Variants in CFAP100 observed in about 807,000 individuals in gnomAD.
The protein encoded by CFAP100 is cilia and flagella associated protein 100, also known as cilia- and flagella-associated protein 100.
A neutral mutation model predicts 81.5 loss-of-function variants in CFAP100; 70 were observed. The ratio of observed to expected loss-of-function variants is 0.86; its 90% CI spans 0.71 to 1.05. CFAP100 has a LOEUF of 1.05. CFAP100 is among the 50% of genes least tolerant of loss of function. The pLI, the probability that CFAP100 is intolerant of heterozygous loss-of-function variation, is 0.00. For synonymous variants in CFAP100, 341 were observed against 314.8 expected, an observed-to-expected ratio of 1.08 and a Z score of -0.88; for missense variants, 811 against 776.5, an observed-to-expected ratio of 1.04 and a Z score of -0.53.
intron 5 of CFAP100, chr3:126,416,834 C>CCTAA (rs2083252048): frequency 4.2e-6 from 1 of 239,078 alleles, no homozygotes; most frequent in Non-Finnish European, 7.9e-6. Context: ...AGACCCTTTG[C>CCTAA]CTAACTTTTA....
At chr3:126,416,571 G>A in intron 5 of CFAP100, 63 bp downstream of exon 5, 3 of 1,378,310 alleles carry the variant, frequency 2.2e-6, no homozygotes, top group Non-Finnish European at 2.9e-6. Context: ...AGCTCAGGGG[G>A]CGCGCCTGGA....
intron 10 of CFAP100, 25 bp downstream of exon 10, chr3:126,420,046 G>A: frequency 1.9e-6 from 3 of 1,613,100 alleles, no homozygotes; most frequent in South Asian, 1.1e-5. Context: ...CCAGCCTGAG[G>A]AGGAGCCTGG....
At position 126,418,661 on chromosome 3, in the gene CFAP100, G is replaced by C. The variant is rs534051821; in HGVS notation, c.537G>C (p.Ala179=). The change falls in exon 7 of 17, where the codon GCG becomes GCC. Residue 179 remains alanine, a synonymous_variant. Transcript: ENST00000352312. The part of the protein sequence containing the change: ...RREIQRLETL[A]TKEEARLERA... Reference sequence around the variant, plus strand: ...AGATCCAGCGGCTGGAGACGCTGGCGACCAAAGAGGAGGCCAGGCTGGAGC... The same window carrying C: ...AGATCCAGCGGCTGGAGACGCTGGCCACCAAAGAGGAGGCCAGGCTGGAGC... The C allele has an allele frequency of 2.5e-5, 40 of 1,583,236 alleles. No homozygotes were observed. The East Asian group carries it at 8.1e-4, about 32-fold the overall frequency.
At chr3:126,431,571 A>ATT (rs748610267) in intron 13 of CFAP100, among the ~76,000 whole-genome samples, 3 of 152,172 alleles carry the variant, frequency 2.0e-5, no homozygotes, top group Non-Finnish European at 4.4e-5. Flanking sequence ...TGGAGCTCTG[A>ATT]CAAAGACATT....
At chr3:126,433,253 T>C in intron 14 of CFAP100, 49 bp downstream of exon 14, 4 of 1,603,954 alleles carry the variant, frequency 2.5e-6, no homozygotes, top group Non-Finnish European at 3.4e-6. Context: ...GGAGGGACCC[T>C]TGGGCACCCA....
At position 126,401,462 on chromosome 3, in the gene CFAP100, C is replaced by A. The variant is rs562833427; in HGVS notation, c.49+5413C>A. ...ATATATAGTATTATGTTACTGCAAT[C>A]AAAAAATGTGTTCTTAAAATGTGTT... On this transcript the variant is annotated intron_variant, in intron 2 of 16. Transcript: ENST00000352312. 9.8e-4 allele frequency among the ~76,000 whole-genome samples: 119 copies of A among 121,718 alleles called. 1 individual carries two copies. The highest frequency in any genetic ancestry group is 3.6e-3 in the African/African-American group (115 of 32,184). 79.9% of individuals were successfully genotyped at this position (121,718 alleles called of 152,430 possible).
chr3:126,397,348 C>A lies in CFAP100; in HGVS notation c.49+1299C>A, dbSNP rs114821111. On this transcript the variant is annotated intron_variant, in intron 2 of 16. Coordinates refer to ENST00000352312, the MANE Select transcript of CFAP100 (RefSeq NM_182628.3). ...TTAGGTGTGCACACGCTCTCTCGTT[C>A]TTTTTTTGCTCCAGAGTAAATTTTA... 1.0e-3 allele frequency among the ~76,000 whole-genome samples: 157 copies of A among 152,250 alleles called. 1 individual carries two copies. Among genetic ancestry groups the A allele is most frequent in the African/African-American group, 3.1e-3 (127 of 41,542 alleles).
At chr3:126,400,654 A>G (rs759554366) in intron 2 of CFAP100, among the ~76,000 whole-genome samples, 48 of 152,210 alleles carry the variant, frequency 3.2e-4, no homozygotes, top group Admixed American at 1.5e-3. Flanking sequence ...CCGGAGGCTG[A>G]GGCAGGAGAA....
At chr3:126,402,300 G>A (rs936977361) in intron 2 of CFAP100, among the ~76,000 whole-genome samples, 1 of 152,206 alleles carries the variant, frequency 6.6e-6, no homozygotes, top group Non-Finnish European at 1.5e-5. Flanking sequence ...GGAGATGACT[G>A]TCACTGGAGA....
chr3:126,431,024 G>C (rs1282172050), intron 13 of CFAP100, among the ~76,000 whole-genome samples: 2 of 152,170 alleles, frequency 1.3e-5, no homozygotes, highest in Non-Finnish European at 2.9e-5. Context: ...ATTTGAAGAA[G>C]GACTTGCTTC....
At chr3:126,407,113 C>T (rs2083075904) in intron 2 of CFAP100, 59 bp from the exon 3 acceptor site, 21 of 1,223,244 alleles carry the variant, frequency 1.7e-5, no homozygotes, top group Non-Finnish European at 2.4e-5. Context: ...AGGCTGTGTT[C>T]ACAGTTCTCA....
chr3:126,423,737 A>G, intron 13 of CFAP100, 93 bp downstream of exon 13: 1 of 1,474,260 alleles, frequency 6.8e-7, no homozygotes, highest in Non-Finnish European at 9.4e-7. Context: ...AACAGCCCAC[A>G]CCCGTCCGTG....
chr3:126,434,536 A>T, intron 15 of CFAP100, 155 bp downstream of exon 15: 1 of 719,302 alleles, frequency 1.4e-6, no homozygotes, highest in Non-Finnish European at 2.2e-6. Context: ...GGGGATCTAG[A>T]GGGGCATCAC....
Position 126,436,315 on chromosome 3 carries a change from T to C in CFAP100, c.1747T>C (p.Ser583Pro). ...KKRGRTLVCR[S>P]RPPAHRIKQQ... is the part of the protein sequence containing the mutation. ...GAGAGGCAGGACACTGGTATGCCGCTCACGACCCCCAGCCCACAGGATCAA... is the reference window on the plus strand; with the variant it reads ...GAGAGGCAGGACACTGGTATGCCGCCCACGACCCCCAGCCCACAGGATCAA... Residue 583 changes from serine to proline, a missense_variant, in exon 17 of 17, where the codon TCA becomes CCA. Ser to Pro is a moderately conservative substitution (Grantham distance 74). Coordinates refer to ENST00000352312, the MANE Select transcript of CFAP100 (RefSeq NM_182628.3). 6.2e-7 allele frequency: 1 copy of C among 1,613,852 alleles called. No homozygotes were observed.
chr3:126,433,267 G>A (rs1466913009), intron 14 of CFAP100, 63 bp downstream of exon 14: 12 of 1,583,706 alleles, frequency 7.6e-6, no homozygotes, highest in East Asian at 6.7e-5. Context: ...GCACCCACTG[G>A]AGGAGCCCTG....
At position 126,419,629 on chromosome 3, in the gene CFAP100, C is replaced by G. The variant is rs201851935; in HGVS notation, c.732-8C>G. 5 of 1,611,718 alleles carry G rather than the reference C, an allele frequency of 3.1e-6. No individual in the cohort carries two copies. The highest frequency in any genetic ancestry group is 4.2e-6 in the Non-Finnish European group (5 of 1,178,782). Reference sequence around the variant, plus strand: ...TCCTTCCCACATCCTCACCCCGCCCCGGTGTAGTGAGATCTCCAGATTTGA... The same window carrying G: ...TCCTTCCCACATCCTCACCCCGCCCGGGTGTAGTGAGATCTCCAGATTTGA... On this transcript the variant is annotated splice_polypyrimidine_tract_variant and splice_region_variant and intron_variant, in intron 8 of 16. Transcript: ENST00000352312.
intron 11 of CFAP100, chr3:126,420,598 GGA>G (rs1193177835): frequency 9.1e-5 from 22 of 241,978 alleles, no homozygotes; most frequent in Admixed American, 2.1e-4. Flanking sequence ...GCTGGGGTGT[GGA>G]CAGTGGATTG....
Position 126,434,317 on chromosome 3 carries a change from G to C in CFAP100, c.1564G>C (p.Glu522Gln). The C allele has an allele frequency of 1.9e-6, 3 of 1,614,100 alleles. No homozygotes were observed. The highest frequency in any genetic ancestry group is 2.5e-6 in the Non-Finnish European group (3 of 1,180,028). Reference protein sequence around the residue: ...HQLDELLENLEHVPQVKIEQA... With the variant: ...HQLDELLENLQHVPQVKIEQA... ...GCTGGATGAGCTGCTAGAGAACCTG[G>C]AGCACGTGCCCCAGGTCAAGATCGA... is the stretch of plus-strand genomic sequence containing the variant. Residue 522 changes from glutamate to glutamine, a missense_variant, in exon 15 of 17, where the codon GAG becomes CAG. Glu to Gln is a conservative substitution (Grantham distance 29). Coordinates refer to ENST00000352312, the MANE Select transcript of CFAP100 (RefSeq NM_182628.3).
Position 126,419,993 on chromosome 3 carries a change from G to A in CFAP100, c.927G>A (p.Lys309=), listed in dbSNP as rs1278768428. 6.2e-7 allele frequency: 1 copy of A among 1,613,158 alleles called. No homozygotes were observed. Among genetic ancestry groups the A allele is most frequent in the East Asian group, 2.2e-5 (1 of 44,884 alleles). ...STPGDKGPGI[K]GKASSMWAKE... ...TGCTTCCTGCAGGACCAGGGATCAA[G>A]GGCAAGGCGAGCTCCATGTGGGCCA... The change falls in exon 10 of 17, where the codon AAG becomes AAA. Residue 309 remains lysine (K), a synonymous_variant. Transcript: ENST00000352312.
Sources: allele counts gnomAD v4.1 joint callset (sites outside exome capture counted in the v4.1 genomes callset), GRCh38; gene constraint gnomAD v4.1.1; transcripts MANE v1.5; gene names NCBI Gene and HGNC (gene_info 2026-07-23, HGNC 2026-07-21).